EPRS1: variants seen among roughly 807,000 people sequenced by gnomAD.
EPRS1 encodes bifunctional glutamate/proline--tRNA ligase.
A neutral mutation model predicts 188.3 loss-of-function variants in EPRS1; 107 were observed. The ratio of observed to expected loss-of-function variants is 0.57; its 90% CI spans 0.49 to 0.67. The LOEUF (loss-of-function observed/expected upper bound fraction) is 0.67. EPRS1 is among the 30% of genes least tolerant of loss of function. The pLI, the probability that EPRS1 is intolerant of heterozygous loss-of-function variation, is 0.00. For missense variants in EPRS1, 1,577 were observed against 1,802.2 expected, an observed-to-expected ratio of 0.88 and a Z score of 2.26; for synonymous variants, 596 against 593.1, an observed-to-expected ratio of 1.00 and a Z score of -0.07.
At position 219,968,891 on chromosome 1, in the gene EPRS1, G is replaced by A; in HGVS notation, c.4454C>T (p.Pro1485Leu). 6.2e-7 allele frequency: 1 copy of A among 1,614,044 alleles called. No individual in the cohort carries two copies. The stretch of plus-strand genomic sequence containing the variant: ...GGCTCCAGGCTGCAGTTCACAGAGT[G>A]GTTTGAAGGGGATGCAAAGGCTTTT... ...GAKSLCIPFK[P>L]LCELQPGAKC... Residue 1485 changes from proline to leucine, a missense_variant, in exon 32 of 32, where the codon CCA becomes CTA. Around this residue, in one of 3 missense-constraint regions of EPRS1, gnomAD observed 296 missense variants for 327.9 expected, o/e 0.90. Transcript: ENST00000366923.
chr1:220,035,691 T>C (rs527290638), intron 2 of EPRS1, among the ~76,000 whole-genome samples: 93 of 151,420 alleles, frequency 6.1e-4, no homozygotes, highest in African/African-American at 2.2e-3. Context: ...TAGCTAGGCA[T>C]AGTGGCATGC....
Position 220,032,477 on chromosome 1 carries a change from A to G in EPRS1, c.438T>C (p.His146=). 5 of 1,613,914 alleles carry G rather than the reference A, an allele frequency of 3.1e-6. No individual in the cohort carries two copies. Among genetic ancestry groups the G allele is most frequent in the Non-Finnish European group, 4.2e-6 (5 of 1,179,932 alleles). ...EQLKQKKAPV[H]VKRWFGFLEA... The stretch of plus-strand genomic sequence containing the variant: ...CAAGAAAGCCAAACCAACGTTTTAC[A>G]TGAACTGGAGCTTTCTTCTGTTTCA... The change falls in exon 5 of 32, where the codon CAT becomes CAC. Residue 146 remains histidine (H), a synonymous_variant. Coordinates refer to ENST00000366923, the MANE Select transcript of EPRS1 (RefSeq NM_004446.3).
intron 22 of EPRS1, 149 bp from the exon 23 acceptor site, chr1:219,982,993 T>C: frequency 1.3e-6 from 1 of 756,752 alleles, no homozygotes; most frequent in Non-Finnish European, 2.2e-6. Flanking sequence ...TGAGGAAAGG[T>C]ACGCACTTAC....
Position 219,973,263 on chromosome 1 carries a change from C to A in EPRS1, c.4219G>T (p.Asp1407Tyr). 1 of 1,612,948 alleles carries A rather than the reference C, an allele frequency of 6.2e-7. No homozygotes were observed. Among genetic ancestry groups the A allele is most frequent in the Non-Finnish European group, 8.5e-7 (1 of 1,179,662 alleles). The change falls in exon 29 of 32, where the codon GAC becomes TAC. Residue 1407 changes from aspartate (D) to tyrosine (Y), a missense_variant. Physicochemically the swap from Asp to Tyr is radical, Grantham distance 160 (BLOSUM62 -3). Coordinates refer to ENST00000366923, the MANE Select transcript of EPRS1 (RefSeq NM_004446.3). ...AETKLQAILE[D>Y]IQVTLFTRAS... ...CTTGTGAAAAGGGTGACCTGGATGTCTTCCAAAATAGCTTGAAGTTTAGTC... is the reference window on the plus strand; with the variant it reads ...CTTGTGAAAAGGGTGACCTGGATGTATTCCAAAATAGCTTGAAGTTTAGTC...
rs1439107337 is a variant in EPRS1 at position 220,046,495 on chromosome 1, C to A, written c.-107G>T. The A allele has an allele frequency of 4.5e-5, 69 of 1,520,136 alleles. No homozygotes were observed. Among genetic ancestry groups the A allele is most frequent in the Non-Finnish European group, 3.4e-5 (39 of 1,133,626 alleles). 94.2% of individuals were successfully genotyped at this position (1,520,136 alleles called of 1,614,324 possible). On this transcript the variant is annotated 5_prime_UTR_variant, in exon 1 of 32. Transcript: ENST00000366923. ...CAACGTGTGCGCGTACCCGACGCCG[C>A]CGCAGCCTTCGCTCCGCCCCTGCGC...
chr1:220,038,390 C>CTTTTTTTTTTTTTT lies in EPRS1; in HGVS notation c.131+1781_131+1794dup, dbSNP rs71169431. ...AGCCACCACACCCAGCTCAGTTTAT[C>CTTTTTTTTTTTTTT]TTTTTTTTTTTTTTTTTTGAGACAG... On this transcript the variant is annotated intron_variant, in intron 2 of 31. Transcript: ENST00000366923. Among the ~76,000 whole-genome samples, 8 of 101,560 alleles carry CTTTTTTTTTTTTTT rather than the reference C, an allele frequency of 7.9e-5. 1 individual carries two copies. The highest frequency in any genetic ancestry group is 1.3e-4 in the Non-Finnish European group (7 of 55,884). 66.6% of individuals were successfully genotyped at this position (101,560 alleles called of 152,430 possible).
chr1:219,982,737 T>G lies in EPRS1; in HGVS notation c.3373+35A>C, dbSNP rs1185533049. 1.9e-6 allele frequency: 3 copies of G among 1,560,942 alleles called. No individual in the cohort carries two copies. The African/African-American group carries it at 4.1e-5, about 21-fold the overall frequency. ...TTTAGAGGCTGTCTCTAACGTTCAG[T>G]GAGCATTCTCTTGCACTCCAATGCC... On this transcript the variant is annotated intron_variant, in intron 23 of 31. Transcript: ENST00000366923.
intron 2 of EPRS1, 102 bp downstream of exon 2, chr1:220,040,083 T>C (rs1662263357): frequency 1.4e-6 from 1 of 734,694 alleles, no homozygotes. Flanking sequence ...TGAGCTATGA[T>C]CATGCCAGCC....
Position 220,010,730 on chromosome 1 carries a change from A to G in EPRS1, c.1605+216T>C, listed in dbSNP as rs985242881. 2.0e-5 allele frequency among the ~76,000 whole-genome samples: 3 copies of G among 151,710 alleles called. No homozygotes were observed. In the South Asian group the frequency reaches 6.3e-4, roughly 32 times the overall value. On this transcript the variant is annotated intron_variant, in intron 13 of 31. Transcript: ENST00000366923. The stretch of plus-strand genomic sequence containing the variant: ...GAGGCTGAGGCAGGAGAATGGCGTG[A>G]ACCCGGGAGGCAGGGGTTGCAGTGA...
At chr1:220,003,046 A>C (rs924813325) in intron 16 of EPRS1, among the ~76,000 whole-genome samples, 4 of 152,222 alleles carry the variant, frequency 2.6e-5, no homozygotes, top group Admixed American at 6.5e-5. Context: ...TTTTGGAGGA[A>C]TCATCCAACT....
At chr1:220,018,390 C>T (rs373215754) in intron 12 of EPRS1, 59 bp downstream of exon 12, 34 of 1,306,094 alleles carry the variant, frequency 2.6e-5, no homozygotes, top group Non-Finnish European at 3.7e-5. Flanking sequence ...ATGACTTCTA[C>T]TTGTACATTA....
chr1:220,003,908 A>C (rs902279562), intron 16 of EPRS1, among the ~76,000 whole-genome samples: 2 of 152,244 alleles, frequency 1.3e-5, no homozygotes, highest in African/African-American at 4.8e-5. Flanking sequence ...AATTTGGTAC[A>C]TATGTTAAAA....
At chr1:219,985,049 GA>G (rs1305874124) in intron 20 of EPRS1, among the ~76,000 whole-genome samples, 293 of 95,210 alleles carry the variant, frequency 3.1e-3, no homozygotes, top group South Asian at 8.8e-3. Flanking sequence ...CGTCTCAAAA[GA>G]AAAAAAAAAA....
intron 16 of EPRS1, 85 bp downstream of exon 16, chr1:220,005,163 T>C (rs574433548): frequency 3.9e-6 from 2 of 518,908 alleles, no homozygotes; most frequent in Non-Finnish European, 6.7e-6. Context: ...GGTACGTTAT[T>C]TTAGTGAAAG....
intron 28 of EPRS1, among the ~76,000 whole-genome samples, chr1:219,977,915 T>C (rs1370725496): frequency 1.3e-5 from 2 of 152,200 alleles, no homozygotes; most frequent in Middle Eastern, 3.2e-3. Flanking sequence ...ATAGTCTCGA[T>C]TCCTAATTTC....
At chr1:220,004,977 T>C (rs886682919) in intron 16 of EPRS1, among the ~76,000 whole-genome samples, 1 of 152,194 alleles carries the variant, frequency 6.6e-6, no homozygotes, top group African/African-American at 2.4e-5. Flanking sequence ...GACTGAAATT[T>C]TGTTCTTTAT....
intron 18 of EPRS1, among the ~76,000 whole-genome samples, chr1:219,994,694 AGGCT>A (rs1245515067): frequency 7.3e-6 from 1 of 137,166 alleles, no homozygotes; most frequent in Non-Finnish European, 1.5e-5. Flanking sequence ...GCTGTTGCCC[AGGCT>A]GGAGTACAGT....
At chr1:220,030,974 C>A (rs553583242) in intron 5 of EPRS1, among the ~76,000 whole-genome samples, 1 of 152,078 alleles carries the variant, frequency 6.6e-6, no homozygotes, top group East Asian at 1.9e-4. Context: ...CACCTGTAGT[C>A]CCAGCTACTC....
At chr1:219,998,365 T>A (rs1414452603) in intron 17 of EPRS1, among the ~76,000 whole-genome samples, 1 of 151,750 alleles carries the variant, frequency 6.6e-6, no homozygotes, top group African/African-American at 2.4e-5. Context: ...GGCATGTCAG[T>A]AAAAAAAACC....
Sources: gnomAD v4.1 joint callset for allele counts (sites outside exome capture counted in the v4.1 genomes callset) on GRCh38, gnomAD v4.1.1 for gene constraint, gnomAD v4.1.1 regional missense constraint, MANE v1.5 for transcripts, NCBI Gene and HGNC (gene_info 2026-07-23, HGNC 2026-07-21) for gene names.